AGBL1: variants seen among roughly 807,000 people sequenced by gnomAD.
AGBL1 encodes AGBL carboxypeptidase 1.
In AGBL1, 130 loss-of-function variants were observed where a neutral mutation model predicts 118.9. The ratio of observed to expected loss-of-function variants is 1.09; its 90% CI spans 0.95 to 1.26. The LOEUF (loss-of-function observed/expected upper bound fraction) is 1.26. Among genes scored for constraint, AGBL1 ranks in the 50% most tolerant of loss-of-function variants. The probability of loss-of-function intolerance (pLI) is 0.00; values close to 1 mark genes in which losing one functional copy is unlikely to be tolerated. For synonymous variants in AGBL1, 555 were observed against 478.9 expected (o/e 1.16, Z -2.08); for missense variants, 1,584 against 1,298.1 (o/e 1.22, Z -3.38).
intron 22 of AGBL1, among the ~76,000 whole-genome samples, chr15:86,698,303 T>C (rs1285453704): frequency 6.6e-6 from 1 of 151,970 alleles, no homozygotes; most frequent in African/African-American, 2.4e-5. Flanking sequence ...AAACAGCACA[T>C]TCCACATGTT....
chr15:86,181,052 C>G (rs1030306359), intron 5 of AGBL1, among the ~76,000 whole-genome samples: 7 of 152,114 alleles, frequency 4.6e-5, no homozygotes, highest in African/African-American at 1.7e-4. Context: ...AACACTCACA[C>G]TTTGCTGGTG....
In AGBL1 at chr15:86,706,885, T is replaced by C. The variant is rs113279066; in HGVS notation, c.3158+32449T>C. ...TAACCTAGCTTACTTCAGTTTTCTC[T>C]ACCAGTTACTCATCTATGACACAAC... On this transcript the variant is annotated intron_variant, in intron 22 of 22. Coordinates refer to ENST00000614907, the MANE Select transcript of AGBL1 (RefSeq NM_001386094.1). Among the ~76,000 whole-genome samples the C allele has an allele frequency of 2.4e-3, 362 of 152,248 alleles. 8 individuals are homozygous for C. Among genetic ancestry groups the C allele is most frequent in the African/African-American group, 8.4e-3 (350 of 41,562 alleles).
chr15:86,307,568 G>A (rs943842498), intron 17 of AGBL1, among the ~76,000 whole-genome samples: 3 of 152,058 alleles, frequency 2.0e-5, no homozygotes, highest in Non-Finnish European at 2.9e-5. Context: ...GATGTGCCTG[G>A]TTGCATAGCT....
intron 1 of AGBL1, among the ~76,000 whole-genome samples, chr15:86,131,442 A>T (rs1045075826): frequency 2.6e-5 from 4 of 151,938 alleles, no homozygotes; most frequent in Non-Finnish European, 4.4e-5. Context: ...ACAATGTCCT[A>T]TTTTTTTTAA....
At chr15:86,489,382 T>C (rs906778483) in intron 18 of AGBL1, among the ~76,000 whole-genome samples, 5 of 152,160 alleles carry the variant, frequency 3.3e-5, no homozygotes, top group Non-Finnish European at 7.4e-5. Context: ...TGTAAAATTT[T>C]CCCAAGTATT....
At position 86,576,757 on chromosome 15, in the gene AGBL1, A is replaced by T. The variant is rs148626711; in HGVS notation, c.2994+22220A>T. 6.7e-3 allele frequency among the ~76,000 whole-genome samples: 1,021 copies of T among 152,192 alleles called. 10 individuals carry two copies. The highest frequency in any genetic ancestry group is 0.023 in the African/African-American group (937 of 41,522). The stretch of plus-strand genomic sequence containing the variant: ...GTCCCATGCTGTTCTTGTGATAGTG[A>T]GTAAGTCTTATGAGATCTGATGGTT... On this transcript the variant is annotated intron_variant, in intron 21 of 22. Transcript: ENST00000614907.
chr15:86,166,182 T>C (rs1420124665), intron 5 of AGBL1, among the ~76,000 whole-genome samples: 1 of 152,182 alleles, frequency 6.6e-6, no homozygotes, highest in Non-Finnish European at 1.5e-5. Context: ...TTTCTGCATA[T>C]TACAAAACAA....
intron 5 of AGBL1, among the ~76,000 whole-genome samples, chr15:86,177,552 G>C (rs1011017244): frequency 1.3e-5 from 2 of 152,114 alleles, no homozygotes; most frequent in African/African-American, 4.8e-5. Flanking sequence ...GAACCATAAA[G>C]CCAGTCACAA....
chr15:86,688,443 A>C (rs1238551519), intron 22 of AGBL1, among the ~76,000 whole-genome samples: 1 of 151,992 alleles, frequency 6.6e-6, no homozygotes, highest in East Asian at 1.9e-4. Flanking sequence ...AAGTTATCTA[A>C]CTCTTTTCCA....
chr15:86,490,472 A>C (rs2142140797), intron 18 of AGBL1, among the ~76,000 whole-genome samples: 1 of 152,174 alleles, frequency 6.6e-6, no homozygotes, highest in Admixed American at 6.5e-5. Context: ...AGGTCATGAG[A>C]TATCTGGTTA....
chr15:86,414,701 C>G (rs2081666460), intron 18 of AGBL1, among the ~76,000 whole-genome samples: 1 of 152,178 alleles, frequency 6.6e-6, no homozygotes, highest in Non-Finnish European at 1.5e-5. Flanking sequence ...GTTATTTGAA[C>G]AGGGTCACAT....
At chr15:86,666,518 TTCTTA>T (rs2085648030) in intron 21 of AGBL1, among the ~76,000 whole-genome samples, 1 of 152,162 alleles carries the variant, frequency 6.6e-6, no homozygotes, top group African/African-American at 2.4e-5. Flanking sequence ...GACTCATTTT[TTCTTA>T]TCTTATTGAA....
chr15:86,595,173 C>A (rs1257625201), intron 21 of AGBL1, among the ~76,000 whole-genome samples: 3 of 152,274 alleles, frequency 2.0e-5, no homozygotes, highest in Non-Finnish European at 2.9e-5. Context: ...TCTCTATAAC[C>A]TTAATCCCTT....
chr15:86,196,103 T>G (rs1185645628), intron 5 of AGBL1, among the ~76,000 whole-genome samples: 1 of 152,210 alleles, frequency 6.6e-6, no homozygotes, highest in Non-Finnish European at 1.5e-5. Context: ...GATTTTTTAG[T>G]TTTTTTCAGA....
At chr15:86,598,355 A>G (rs2084441292) in intron 21 of AGBL1, among the ~76,000 whole-genome samples, 1 of 152,170 alleles carries the variant, frequency 6.6e-6, no homozygotes, top group Admixed American at 6.6e-5. Context: ...AAGAACGCCA[A>G]TTGCCAAGAC....
rs548763021 is a variant in AGBL1, at chr15:86,761,453, C to T, written c.3158+87017C>T. Among the ~76,000 whole-genome samples, 24 of 152,000 alleles carry T rather than the reference C, an allele frequency of 1.6e-4. No homozygotes were observed. The South Asian group carries it at 4.2e-3, about 26-fold the overall frequency. Reference sequence around the variant, plus strand: ...ACTTGAATAGCCTGTATGAAAAATGCGGGAATACAAATGTAGGTACAGGGA... The same window carrying T: ...ACTTGAATAGCCTGTATGAAAAATGTGGGAATACAAATGTAGGTACAGGGA... On this transcript the variant is annotated intron_variant, in intron 22 of 22. Coordinates refer to ENST00000614907, the MANE Select transcript of AGBL1 (RefSeq NM_001386094.1).
At chr15:86,790,671 T>C (rs2078479972) in intron 22 of AGBL1, among the ~76,000 whole-genome samples, 2 of 152,156 alleles carry the variant, frequency 1.3e-5, no homozygotes, top group Admixed American at 6.6e-5. Context: ...GCATGAAACA[T>C]GTAATGGAAT....
At chr15:87,004,968 T>C (rs921739625) in intron 24 of AGBL1, among the ~76,000 whole-genome samples, 1 of 152,198 alleles carries the variant, frequency 6.6e-6, no homozygotes, top group Non-Finnish European at 1.5e-5. Flanking sequence ...TGGCTGGATA[T>C]GAAATTCTGG....
chr15:86,861,336 C>A (rs990403089), intron 22 of AGBL1, among the ~76,000 whole-genome samples: 19 of 152,118 alleles, frequency 1.2e-4, no homozygotes, highest in African/African-American at 4.3e-4. Flanking sequence ...TGATGTTAAC[C>A]TGTATTGAGC....
Sources: allele counts gnomAD v4.1 joint callset (sites outside exome capture counted in the v4.1 genomes callset), GRCh38; gene constraint gnomAD v4.1.1; transcripts MANE v1.5; gene names NCBI Gene and HGNC (gene_info 2026-07-23, HGNC 2026-07-21).